The following SMG1 variants were observed in gnomAD, a reference collection of about 807,000 sequenced individuals.
The protein encoded by SMG1 is SMG1 nonsense mediated mRNA decay associated PI3K related kinase.
A neutral mutation model predicts 419.9 loss-of-function variants in SMG1; 22 were observed. That is an observed-to-expected ratio of 0.05 (90% CI 0.04 to 0.07). The LOEUF is 0.07. Among genes scored for constraint, SMG1 ranks in the 10% least tolerant of loss-of-function variants. The probability of loss-of-function intolerance (pLI) is 1.00; values close to 1 mark genes in which losing one functional copy is unlikely to be tolerated. For synonymous variants in SMG1, 1,538 were observed against 1,553.5 expected (o/e 0.99, Z 0.23); for missense variants, 3,185 against 4,342.0 (o/e 0.73, Z 7.49).
intron 23 of SMG1, among the ~76,000 whole-genome samples, chr16:18,864,991 C>T (rs1302856527): frequency 2.6e-5 from 4 of 152,068 alleles, no homozygotes; most frequent in African/African-American, 4.8e-5. Flanking sequence ...TGATAAGTAG[C>T]TGATGTCAGT....
chr16:18,844,026 C>CAT (rs1177782098), intron 39 of SMG1, among the ~76,000 whole-genome samples: 3 of 150,380 alleles, frequency 2.0e-5, no homozygotes, highest in African/African-American at 7.3e-5. Context: ...CACACACACA[C>CAT]GTGCGCACAC....
intron 1 of SMG1, among the ~76,000 whole-genome samples, chr16:18,915,993 C>T (rs546406752): frequency 7.4e-6 from 1 of 135,654 alleles, no homozygotes; most frequent in Non-Finnish European, 1.5e-5. Flanking sequence ...CACTTGAACC[C>T]GGGAGGCAGA....
intron 1 of SMG1, among the ~76,000 whole-genome samples, chr16:18,904,396 A>C (rs1596636242): frequency 6.6e-6 from 1 of 151,786 alleles, no homozygotes; most frequent in East Asian, 2.0e-4. Flanking sequence ...GCACTTTGGG[A>C]AGCGAAGGCA....
chr16:18,923,470 C>T (rs1269794635), intron 1 of SMG1, among the ~76,000 whole-genome samples: 5 of 152,018 alleles, frequency 3.3e-5, no homozygotes, highest in Non-Finnish European at 7.4e-5. Flanking sequence ...ATGGTGGAAT[C>T]CCGTCTCTAC....
At chr16:18,818,309 C>T (rs1463709114) in intron 56 of SMG1, among the ~76,000 whole-genome samples, 3 of 152,010 alleles carry the variant, frequency 2.0e-5, no homozygotes, top group Non-Finnish European at 2.9e-5. Context: ...CACTTGAACT[C>T]GGGAGGCAGA....
rs551584159 is a variant in SMG1 at position 18,805,860 on chromosome 16, G to C, written c.*3709C>G. ...TTATGTAAAACAAAGATGCTTAAAT[G>C]TGCGAATAGTAAAGCATTCACTGAT... On this transcript the variant is annotated 3_prime_UTR_variant, in exon 63 of 63. Coordinates refer to ENST00000446231, the MANE Select transcript of SMG1 (RefSeq NM_015092.5). The C allele has an allele frequency of 1.3e-5, 2 of 152,638 alleles. No individual in the cohort carries two copies. The highest frequency in any genetic ancestry group is 4.8e-5 in the African/African-American group (2 of 41,594). The allele number at this position is 152,638 out of a possible 1,614,324, so 9.5% of individuals were successfully genotyped here. A position where few individuals can be genotyped will look rare whatever the true frequency, so the allele number is the denominator to read the frequency against.
chr16:18,878,299 CAAAA>C (rs71141083), intron 11 of SMG1: 2 of 112,196 alleles, frequency 1.8e-5, no homozygotes, highest in Non-Finnish European at 3.9e-5. Flanking sequence ...TCCGTCTCAA[CAAAA>C]AAAAAAAAAA....
At chr16:18,902,035 T>C (rs1320903319) in intron 1 of SMG1, among the ~76,000 whole-genome samples, 1 of 151,418 alleles carries the variant, frequency 6.6e-6, no homozygotes, top group Non-Finnish European at 1.5e-5. Context: ...ATGTGACTTA[T>C]GGTGGGGGCT....
chr16:18,921,659 T>C (rs2038205880), intron 1 of SMG1, among the ~76,000 whole-genome samples: 1 of 152,208 alleles, frequency 6.6e-6, no homozygotes, highest in Non-Finnish European at 1.5e-5. Flanking sequence ...CTTAATTTTA[T>C]CCTTTATGTA....
At chr16:18,891,291 A>G (rs1331284792) in intron 4 of SMG1, among the ~76,000 whole-genome samples, 4 of 152,236 alleles carry the variant, frequency 2.6e-5, no homozygotes, top group Non-Finnish European at 5.9e-5. Context: ...CGGGTTTAAC[A>G]GATTCAATGT....
Position 18,836,175 on chromosome 16 carries a change from C to G in SMG1, c.7815G>C (p.Gln2605His). The change falls in exon 48 of 63, where the codon CAG (glutamine) becomes CAC (histidine). Residue 2605 changes from glutamine (Q) to histidine (H), a missense_variant. This residue lies in a region of SMG1 where 412 missense variants were observed against 546.6 expected (regional missense o/e 0.75). Transcript: ENST00000446231. Reference sequence around the variant, plus strand: ...TAATCAAGTGGGCCTGACCAGCATTCTGCAGAAAGGCTGTTGCTGGCACGT... The same window carrying G: ...TAATCAAGTGGGCCTGACCAGCATTGTGCAGAAAGGCTGTTGCTGGCACGT... ...PSYVPATAFL[Q>H]NAGQAHLISQ... The G allele has an allele frequency of 6.2e-7, 1 of 1,612,126 alleles. No homozygotes were observed. The highest frequency in any genetic ancestry group is 1.1e-5 in the South Asian group (1 of 90,648).
chr16:18,920,533 A>G (rs1359220593), intron 1 of SMG1, among the ~76,000 whole-genome samples: 6 of 151,944 alleles, frequency 3.9e-5, no homozygotes, highest in Admixed American at 1.3e-4. Flanking sequence ...CTACAAAAAA[A>G]TAAAAATAAA....
At chr16:18,813,603 T>G (rs2031686806) in intron 60 of SMG1, among the ~76,000 whole-genome samples, 1 of 152,190 alleles carries the variant, frequency 6.6e-6, no homozygotes, top group East Asian at 1.9e-4. Flanking sequence ...TTTCTCCCAT[T>G]CTGTAGGTTG....
At chr16:18,827,921 C>A (rs1420820402) in intron 55 of SMG1, 110 bp downstream of exon 55, 2 of 1,065,432 alleles carry the variant, frequency 1.9e-6, no homozygotes, top group Non-Finnish European at 2.5e-6. Context: ...TTCTGGCTTA[C>A]AAGCCAAGGA....
At chr16:18,867,173 C>T (rs1022985314) in intron 22 of SMG1, among the ~76,000 whole-genome samples, 228 of 152,236 alleles carry the variant, frequency 1.5e-3, no homozygotes, top group Non-Finnish European at 1.6e-3. Flanking sequence ...TTTTTGGATT[C>T]CAGTTATTTA....
At position 18,864,118 on chromosome 16, in the gene SMG1, T is replaced by C. The variant is rs747880396; in HGVS notation, c.3377A>G (p.Gln1126Arg). The change falls in exon 24 of 63, where the codon CAG becomes CGG. Residue 1126 changes from glutamine to arginine, a missense_variant. By Grantham distance (43) the Gln-to-Arg change is conservative. Transcript: ENST00000446231. ...ACCTGTCATGGCACACAGGTGTTCCTGGTACTCCACAGAGGCCTTTTCAAA... is the reference window on the plus strand; with the variant it reads ...ACCTGTCATGGCACACAGGTGTTCCCGGTACTCCACAGAGGCCTTTTCAAA... ...GRFEKASVEY[Q>R]EHLCAMTGVD... The C allele has an allele frequency of 9.0e-6, 14 of 1,548,474 alleles. No homozygotes were observed. In the South Asian group the frequency reaches 1.7e-4, roughly 18 times the overall value.
chr16:18,812,338 T>C (rs557636951), intron 60 of SMG1, among the ~76,000 whole-genome samples: 40 of 152,290 alleles, frequency 2.6e-4, no homozygotes, highest in Non-Finnish European at 4.4e-4. Context: ...TTATGTTTAC[T>C]AGGCTTGTGG....
At chr16:18,819,893 G>A (rs373746255) in intron 55 of SMG1, among the ~76,000 whole-genome samples, 7 of 152,084 alleles carry the variant, frequency 4.6e-5, no homozygotes, top group African/African-American at 1.4e-4. Flanking sequence ...ATCTTAAAAC[G>A]TACAGAAGGA....
At chr16:18,894,354 A>G (rs1436698856) in intron 3 of SMG1, among the ~76,000 whole-genome samples, 1 of 152,310 alleles carries the variant, frequency 6.6e-6, no homozygotes, top group East Asian at 1.9e-4. Flanking sequence ...GAGTATTTCA[A>G]TAAGGACAGA....
Sources: gnomAD v4.1 joint callset for allele counts (sites outside exome capture counted in the v4.1 genomes callset) on GRCh38, gnomAD v4.1.1 for gene constraint, gnomAD v4.1.1 regional missense constraint, MANE v1.5 for transcripts, NCBI Gene and HGNC (gene_info 2026-07-23, HGNC 2026-07-21) for gene names.